The following CDH12 variants were observed in gnomAD, a reference collection of about 807,000 sequenced individuals.
The protein encoded by CDH12 is cadherin-12.
CDH12 carries 41 observed loss-of-function variants against 74.1 expected under a neutral mutation model. The ratio of observed to expected loss-of-function variants is 0.55; its 90% CI spans 0.43 to 0.72. CDH12 has a LOEUF of 0.72. Ranked by LOEUF, CDH12 falls within the 30% of genes least tolerant of loss-of-function variation. The probability of loss-of-function intolerance (pLI) is 0.00; values close to 1 mark genes in which losing one functional copy is unlikely to be tolerated. For synonymous variants in CDH12, 399 were observed against 355.0 expected (o/e 1.12, Z -1.39); for missense variants, 945 against 977.2 (o/e 0.97, Z 0.44).
At chr5:22,160,079 G>C (rs1467340705) in intron 4 of CDH12, among the ~76,000 whole-genome samples, 1 of 152,166 alleles carries the variant, frequency 6.6e-6, no homozygotes, top group Non-Finnish European at 1.5e-5. Context: ...TTGCTCTTCT[G>C]TTCTGGCTCA....
chr5:22,114,572 TAAC>T (rs1228367995), intron 4 of CDH12, among the ~76,000 whole-genome samples: 2 of 152,062 alleles, frequency 1.3e-5, no homozygotes, highest in Non-Finnish European at 2.9e-5. Context: ...CAATATTTTG[TAAC>T]AACTGTTATC....
chr5:22,234,219 G>A (rs1232453899), intron 3 of CDH12, among the ~76,000 whole-genome samples: 1 of 152,014 alleles, frequency 6.6e-6, no homozygotes, highest in Non-Finnish European at 1.5e-5. Flanking sequence ...AACATACAGA[G>A]GGAGTTATAC....
At position 22,704,783 on chromosome 5, in the gene CDH12, G is replaced by A. The variant is rs569214125; in HGVS notation, c.-523+148275C>T. On this transcript the variant is annotated intron_variant, in intron 1 of 14. Transcript: ENST00000382254. Reference sequence around the variant, plus strand: ...AGATGTCAAAACTATATTATCATACGTGTGGTATTTATGCTGTGGCTTTCA... The same window carrying A: ...AGATGTCAAAACTATATTATCATACATGTGGTATTTATGCTGTGGCTTTCA... Among the ~76,000 whole-genome samples the A allele has an allele frequency of 9.9e-5, 15 of 151,952 alleles. No individual in the cohort carries two copies. In the South Asian group the frequency reaches 1.0e-3, roughly 11 times the overall value.
chr5:21,816,112 G>A (rs1579756568), intron 9 of CDH12, among the ~76,000 whole-genome samples: 1 of 151,820 alleles, frequency 6.6e-6, no homozygotes, highest in East Asian at 1.9e-4. Context: ...GACTGTGCAG[G>A]GCCACTTATA....
intron 3 of CDH12, among the ~76,000 whole-genome samples, chr5:22,354,833 G>T (rs891774513): frequency 1.3e-5 from 2 of 152,054 alleles, no homozygotes; most frequent in Non-Finnish European, 2.9e-5. Flanking sequence ...ACAAGGAAAG[G>T]TCATATATAT....
intron 1 of CDH12, among the ~76,000 whole-genome samples, chr5:22,534,976 ATT>A (rs546689277): frequency 1.0e-3 from 138 of 137,066 alleles, no homozygotes; most frequent in Admixed American, 3.8e-3. Context: ...TTTCTATTGC[ATT>A]TTTTTTTTTT....
chr5:22,080,430 G>A (rs907934643), intron 4 of CDH12, among the ~76,000 whole-genome samples: 12 of 152,022 alleles, frequency 7.9e-5, no homozygotes, highest in South Asian at 2.1e-4. Context: ...AAATAAAACC[G>A]GATATAAATT....
At chr5:22,045,068 T>A (rs571547920) in intron 5 of CDH12, among the ~76,000 whole-genome samples, 1 of 152,130 alleles carries the variant, frequency 6.6e-6, no homozygotes, top group East Asian at 1.9e-4. Context: ...TACGAGAAAC[T>A]CAGACAATTC....
intron 1 of CDH12, among the ~76,000 whole-genome samples, chr5:22,817,403 T>A (rs1212832565): frequency 6.6e-6 from 1 of 152,094 alleles, no homozygotes; most frequent in Non-Finnish European, 1.5e-5. Flanking sequence ...AAAATTTCAA[T>A]AATTTGACTT....
At position 22,819,713 on chromosome 5, in the gene CDH12, C is replaced by G. The variant is rs759347995; in HGVS notation, c.-523+33345G>C. Reference sequence around the variant, plus strand: ...ATGTAACAAATGTGAAATTATCAAACGCAATACAAAATACATGCTTAATGT... The same window carrying G: ...ATGTAACAAATGTGAAATTATCAAAGGCAATACAAAATACATGCTTAATGT... On this transcript the variant is annotated intron_variant, in intron 1 of 14. Coordinates refer to ENST00000382254, the MANE Select transcript of CDH12 (RefSeq NM_004061.5). 2.6e-5 allele frequency among the ~76,000 whole-genome samples: 4 copies of G among 151,300 alleles called. No individual in the cohort carries two copies. The South Asian group carries it at 6.2e-4, about 24-fold the overall frequency.
intron 2 of CDH12, among the ~76,000 whole-genome samples, chr5:22,418,523 C>T (rs994915194): frequency 1.2e-4 from 18 of 152,022 alleles, no homozygotes; most frequent in African/African-American, 4.1e-4. Context: ...TGTCTTGTGC[C>T]GGTTTTCAAA....
rs535589252 is a variant in CDH12, at chr5:22,186,096, A to ATC, written c.-187+26400_-187+26401dup. Among the ~76,000 whole-genome samples, 262 of 152,234 alleles carry ATC rather than the reference A, an allele frequency of 1.7e-3. 2 individuals carry two copies. The highest frequency in any genetic ancestry group is 3.4e-3 in the Middle Eastern group (1 of 294). ...CTCTCCTTAAGTGCCCTTGAGTAAG[A>ATC]TCTCTCTGCAGTTAAGTGCCTGACA... is the stretch of plus-strand genomic sequence containing the variant. On this transcript the variant is annotated intron_variant, in intron 4 of 14. Coordinates refer to ENST00000382254, the MANE Select transcript of CDH12 (RefSeq NM_004061.5).
intron 1 of CDH12, among the ~76,000 whole-genome samples, chr5:22,774,658 C>T (rs1234377756): frequency 6.6e-6 from 1 of 152,128 alleles, no homozygotes; most frequent in Non-Finnish European, 1.5e-5. Context: ...TGACTTGTTT[C>T]TCCTTGCCTT....
rs113824806 is a variant in CDH12 at position 22,247,653 on chromosome 5, C to T, written c.-332-35010G>A. 6.9e-5 allele frequency among the ~76,000 whole-genome samples: 10 copies of T among 144,534 alleles called. 1 individual carries two copies. The highest frequency in any genetic ancestry group is 3.5e-3 in the Middle Eastern group (1 of 284). The allele number at this position is 144,534 out of a possible 152,430, so 94.8% of individuals were successfully genotyped here. ...TCACATCACTGCACTCCAGCCTGGG[C>T]GACAGAGTGAGACTCCGTCAAAAAA... On this transcript the variant is annotated intron_variant, in intron 3 of 14. Transcript: ENST00000382254.
At chr5:22,003,930 C>T (rs147218929) in intron 5 of CDH12, among the ~76,000 whole-genome samples, 70 of 146,716 alleles carry the variant, frequency 4.8e-4, no homozygotes, top group African/African-American at 1.7e-3. Flanking sequence ...TATGTTAAAA[C>T]GTTTTTGGCT....
intron 5 of CDH12, among the ~76,000 whole-genome samples, chr5:22,055,560 T>A (rs1740679313): frequency 6.6e-6 from 1 of 152,110 alleles, no homozygotes; most frequent in Admixed American, 6.6e-5. Context: ...GAGAACAAAT[T>A]TTTTTTCTGT....
At chr5:22,551,310 T>A (rs780871998) in intron 1 of CDH12, among the ~76,000 whole-genome samples, 1 of 152,180 alleles carries the variant, frequency 6.6e-6, no homozygotes, top group Non-Finnish European at 1.5e-5. Flanking sequence ...GGTCTTAGAC[T>A]TTGAGTCTCC....
At chr5:22,392,560 C>T (rs1663321) in intron 3 of CDH12, among the ~76,000 whole-genome samples, 51,246 of 152,042 alleles carry the variant, frequency 0.34, 10,119 homozygotes, top group Admixed American at 0.46. Context: ...AAGCACTATT[C>T]AAATGTAGTT....
chr5:21,796,451 A>C (rs943613348), intron 10 of CDH12, among the ~76,000 whole-genome samples: 2 of 152,070 alleles, frequency 1.3e-5, no homozygotes, highest in Non-Finnish European at 2.9e-5. Context: ...TTTTCACACC[A>C]TTGCAAAGTG....
Sources: allele counts gnomAD v4.1 joint callset (sites outside exome capture counted in the v4.1 genomes callset), GRCh38; gene constraint gnomAD v4.1.1; transcripts MANE v1.5; gene names NCBI Gene and HGNC (gene_info 2026-07-23, HGNC 2026-07-21).